Variants in CERS3 observed in about 807,000 individuals in gnomAD.
CERS3 encodes the protein ceramide synthase 3.
In CERS3, 33 loss-of-function variants were observed where a neutral mutation model predicts 50.3. That is an observed-to-expected ratio of 0.66 (90% CI 0.50 to 0.88). The LOEUF (loss-of-function observed/expected upper bound fraction) is 0.88, where lower values mean the gene tolerates loss of function less well. Ranked by LOEUF, CERS3 falls within the 40% of genes least tolerant of loss-of-function variation. The pLI is 0.00. For missense variants in CERS3, 470 were observed against 460.3 expected, an observed-to-expected ratio of 1.02 and a Z score of -0.19; for synonymous variants, 176 against 155.2, an observed-to-expected ratio of 1.13 and a Z score of -0.99.
rs2036870111 is a variant in CERS3, at chr15:100,528,870, G to C, written c.-149C>G. ...CTTGCTTGTGAAGTGTAGTCAGAGA[G>C]CAGCTTCCAACGTTCCAACCAGCTT... is the stretch of plus-strand genomic sequence containing the variant. On this transcript the variant is annotated 5_prime_UTR_variant, in exon 1 of 12. Transcript: ENST00000679737. The C allele has an allele frequency of 6.6e-6, 1 of 152,252 alleles. No individual in the cohort carries two copies. Among genetic ancestry groups the C allele is most frequent in the East Asian group, 1.9e-4 (1 of 5,194 alleles). 9.4% of individuals were successfully genotyped at this position (152,252 alleles called of 1,614,324 possible).
At chr15:100,506,472 G>GCA (rs2036187905) in intron 2 of CERS3, among the ~76,000 whole-genome samples, 4 of 20,074 alleles carry the variant, frequency 2.0e-4, no homozygotes, top group East Asian at 1.9e-3. Flanking sequence ...CCCCCCCGCC[G>GCA]CCCCACACAC....
intron 2 of CERS3, among the ~76,000 whole-genome samples, chr15:100,511,299 A>C (rs2036332040): frequency 6.6e-6 from 1 of 152,214 alleles, no homozygotes; most frequent in Non-Finnish European, 1.5e-5. Context: ...AAAGAACAAA[A>C]AAAGAAACAT....
chr15:100,516,674 C>A (rs986358515), intron 2 of CERS3, among the ~76,000 whole-genome samples: 2 of 152,202 alleles, frequency 1.3e-5, no homozygotes, highest in African/African-American at 4.8e-5. Flanking sequence ...ATAGCCTCCT[C>A]CCCCATTGTG....
At chr15:100,531,308 T>C (rs1409846256), upstream of CERS3, among the ~76,000 whole-genome samples, 2 of 152,168 alleles carry the variant, frequency 1.3e-5, no homozygotes, top group Admixed American at 6.5e-5. Context: ...GTGTAATTCT[T>C]CCCCCTTCTT....
At chr15:100,410,257 AC>A (rs1185259323) in intron 11 of CERS3, among the ~76,000 whole-genome samples, 4 of 152,114 alleles carry the variant, frequency 2.6e-5, no homozygotes, top group South Asian at 4.1e-4. Context: ...CTTAATAGTG[AC>A]CCGTTACTTG....
chr15:100,506,967 A>G (rs977609320), intron 2 of CERS3, among the ~76,000 whole-genome samples: 44 of 152,314 alleles, frequency 2.9e-4, no homozygotes, highest in African/African-American at 9.9e-4. Context: ...AAAATAAAAA[A>G]GTTAAGAAGC....
chr15:100,440,389 A>G (rs1418211123), intron 11 of CERS3, among the ~76,000 whole-genome samples: 1 of 152,124 alleles, frequency 6.6e-6, no homozygotes, highest in Non-Finnish European at 1.5e-5. Flanking sequence ...TTCTGGCTCA[A>G]AAGCTCCCCT....
rs2034892956 is a variant in CERS3, at chr15:100,469,458, T to A, written c.765A>T (p.Gly255=). ...ACAGGGTGTTACAGGTCTGCGTCCA[T>A]CCAGCATAAGAAAACATCTTAGCAG... ...LESAKMFSYA[G]WTQTCNTLFF... Residue 255 remains glycine, a synonymous_variant, in exon 10 of 12, where the codon GGA becomes GGT. Transcript: ENST00000679737. 1 of 1,613,814 alleles carries A rather than the reference T, an allele frequency of 6.2e-7. No individual in the cohort carries two copies.
intron 10 of CERS3, among the ~76,000 whole-genome samples, chr15:100,461,548 A>G (rs1324896712): frequency 6.6e-6 from 1 of 152,228 alleles, no homozygotes; most frequent in Non-Finnish European, 1.5e-5. Context: ...ACAAATGGAA[A>G]GTGCCTATTA....
In CERS3 at chr15:100,469,344, G is replaced by T; in HGVS notation, c.845+34C>A. 3.2e-6 allele frequency: 5 copies of T among 1,554,934 alleles called. No homozygotes were observed. In the South Asian group the frequency reaches 5.6e-5, roughly 17 times the overall value. On this transcript the variant is annotated intron_variant, in intron 10 of 11. Transcript: ENST00000679737. ...TGCACTGAGGCCACCTCTGCACACTGACCAAAGGCAGGGCACATCACCGGT... is the reference window on the plus strand; with the variant it reads ...TGCACTGAGGCCACCTCTGCACACTTACCAAAGGCAGGGCACATCACCGGT...
chr15:100,439,445 T>C (rs979931790), intron 11 of CERS3, among the ~76,000 whole-genome samples: 1 of 152,230 alleles, frequency 6.6e-6, no homozygotes, highest in South Asian at 2.1e-4. Flanking sequence ...GAGTTTTCCA[T>C]GTGTAAGGAA....
chr15:100,473,059 G>C lies in CERS3; in HGVS notation c.610-7C>G, dbSNP rs1448341468. 2 of 1,609,904 alleles carry C rather than the reference G, an allele frequency of 1.2e-6. No individual in the cohort carries two copies. The highest frequency in any genetic ancestry group is 1.7e-6 in the Non-Finnish European group (2 of 1,178,588). ...TGATATGAGCTAGAAAATCCTGTAA[G>C]ATGAGGGAAAATGGAAGCCATTAAG... On this transcript the variant is annotated splice_polypyrimidine_tract_variant and splice_region_variant and intron_variant, in intron 8 of 11. Transcript: ENST00000679737.
At position 100,430,335 on chromosome 15, in the gene CERS3, GAAAACAAAAACA is replaced by G. The variant is rs958284155; in HGVS notation, c.999+25546_999+25557del. 4.6e-5 allele frequency among the ~76,000 whole-genome samples: 7 copies of G among 151,456 alleles called. No homozygotes were observed. In the East Asian group the frequency reaches 9.7e-4, roughly 21 times the overall value. On this transcript the variant is annotated intron_variant, in intron 11 of 11. Transcript: ENST00000679737. ...TCAAAAAAAAAAAGAATGACCAAAA[GAAAACAAAAACA>G]AAAACAAAAAACTTGACAATGAGAA...
intron 11 of CERS3, among the ~76,000 whole-genome samples, chr15:100,438,704 G>A (rs2033542194): frequency 6.6e-6 from 1 of 152,244 alleles, no homozygotes; most frequent in Admixed American, 6.5e-5. Flanking sequence ...GAACTGAAGA[G>A]ATCCTGCCTG....
At chr15:100,542,356 G>A (rs1230085136) in intron 1 of CERS3, among the ~76,000 whole-genome samples, 1 of 152,180 alleles carries the variant, frequency 6.6e-6, no homozygotes, top group Non-Finnish European at 1.5e-5. Flanking sequence ...GTCACGCATG[G>A]CAACAGTAGA....
intron 2 of CERS3, among the ~76,000 whole-genome samples, chr15:100,517,805 G>T (rs903963245): frequency 6.6e-6 from 1 of 152,174 alleles, no homozygotes. Flanking sequence ...GGGGTGCAGT[G>T]GGTGTGAGCG....
At chr15:100,542,447 G>A (rs1346546140) in intron 1 of CERS3, among the ~76,000 whole-genome samples, 4 of 152,172 alleles carry the variant, frequency 2.6e-5, no homozygotes, top group South Asian at 2.1e-4. Context: ...CACAGTGACC[G>A]TTCTCACATA....
intron 10 of CERS3, among the ~76,000 whole-genome samples, chr15:100,459,608 G>A (rs527499895): frequency 1.3e-5 from 2 of 152,266 alleles, no homozygotes; most frequent in East Asian, 3.9e-4. Flanking sequence ...AAAACATTTT[G>A]ATGTAATTGT....
intron 10 of CERS3, among the ~76,000 whole-genome samples, chr15:100,464,635 ACT>A: frequency 6.6e-6 from 1 of 152,256 alleles, no homozygotes; most frequent in Non-Finnish European, 1.5e-5. Flanking sequence ...TAGCCTAATA[ACT>A]CTCTGTGAGT....
Sources: allele counts gnomAD v4.1 joint callset (sites outside exome capture counted in the v4.1 genomes callset), GRCh38; gene constraint gnomAD v4.1.1; transcripts MANE v1.5; gene names NCBI Gene and HGNC (gene_info 2026-07-23, HGNC 2026-07-21).